The following BPIFB1 variants were observed in gnomAD, a reference collection of about 807,000 sequenced individuals.
BPIFB1 encodes BPI fold containing family B member 1.
A neutral mutation model predicts 55.1 loss-of-function variants in BPIFB1; 34 were observed. The observed-to-expected ratio is 0.62, with a 90% CI of 0.47 to 0.82. The LOEUF (loss-of-function observed/expected upper bound fraction) is 0.82, where lower values mean the gene tolerates loss of function less well. BPIFB1 is among the 40% of genes least tolerant of loss of function. The pLI is 0.00. For missense variants in BPIFB1, 532 were observed against 593.1 expected (o/e 0.90, Z 1.07); for synonymous variants, 236 against 245.3 (o/e 0.96, Z 0.35).
intron 15 of BPIFB1, chr20:33,308,091 C>T (rs1321293184): frequency 1.3e-5 from 2 of 152,196 alleles, no homozygotes; most frequent in Non-Finnish European, 2.9e-5. Context: ...AAGGGGAAGA[C>T]TGCACATCAC....
chr20:33,304,972 TTGC>T lies in BPIFB1; in HGVS notation c.1254+83_1254+85del. On this transcript the variant is annotated intron_variant, in intron 13 of 15. Transcript: ENST00000253354. ...TCTCAAAACAGATATTGCCCAGGAT[TTGC>T]TTCAAACAAGGTCCCCACAGAAGCA... 3.3e-6 allele frequency: 5 copies of T among 1,531,866 alleles called. No homozygotes were observed. The South Asian group carries it at 5.6e-5, about 17-fold the overall frequency. 94.9% of individuals were successfully genotyped at this position (1,531,866 alleles called of 1,614,324 possible). A position where few individuals can be genotyped will look rare whatever the true frequency, so the allele number is the denominator to read the frequency against.
rs1981145898 is a variant in BPIFB1 at position 33,309,001 on chromosome 20, T to C, written c.1396-707T>C. ...CACACACACACACCATGTGGCCAGA[T>C]GGTCTCAGCTCAAGGCCAGGATCAT... On this transcript the variant is annotated intron_variant, in intron 15 of 15. Coordinates refer to ENST00000253354, the MANE Select transcript of BPIFB1 (RefSeq NM_033197.3). This position sits in a 1 kb window ranked among gnomAD's most constrained non-coding sequence, Gnocchi z 4.4. 6.6e-6 allele frequency among the ~76,000 whole-genome samples: 1 copy of C among 151,874 alleles called. No individual in the cohort carries two copies. The highest frequency in any genetic ancestry group is 1.5e-5 in the Non-Finnish European group (1 of 67,986).
rs1408182058 is a variant in BPIFB1, at chr20:33,309,435, A to C, written c.1396-273A>C. Among the ~76,000 whole-genome samples the C allele has an allele frequency of 6.6e-6, 1 of 152,166 alleles. No individual in the cohort carries two copies. Among genetic ancestry groups the C allele is most frequent in the Non-Finnish European group, 1.5e-5 (1 of 68,028 alleles). On this transcript the variant is annotated intron_variant, in intron 15 of 15. Coordinates refer to ENST00000253354, the MANE Select transcript of BPIFB1 (RefSeq NM_033197.3). The surrounding 1 kb of genome is among the most constrained non-coding windows in gnomAD (Gnocchi z 4.4). ...GCTAAGTGCAAATCCCACTTCTGCC[A>C]CCTACTGAGTGCGTGACTTTGGAAA...
chr20:33,287,345 G>A (rs527874212), intron 2 of BPIFB1, among the ~76,000 whole-genome samples: 6 of 152,194 alleles, frequency 3.9e-5, no homozygotes, highest in South Asian at 2.1e-4. Flanking sequence ...CCACTGTGGC[G>A]ACTGAAGCTC....
chr20:33,296,964 C>A (rs1980672918), intron 6 of BPIFB1, among the ~76,000 whole-genome samples: 1 of 152,224 alleles, frequency 6.6e-6, no homozygotes, highest in Non-Finnish European at 1.5e-5. Context: ...TGCTCTGTCA[C>A]CCAGGCTGGA....
At chr20:33,299,361 G>A (rs2146532568) in intron 7 of BPIFB1, 2 of 354,320 alleles carry the variant, frequency 5.6e-6, no homozygotes, top group East Asian at 7.5e-5. Context: ...GGGAGCAGAG[G>A]AGCCAGTTTG....
At chr20:33,298,263 T>C (rs114966473) in intron 7 of BPIFB1, among the ~76,000 whole-genome samples, 2,202 of 152,208 alleles carry the variant, frequency 0.014, 71 homozygotes, top group African/African-American at 0.051. Context: ...AGATATCTGG[T>C]TTAAAAAATA....
At position 33,286,013 on chromosome 20, in the gene BPIFB1, T is replaced by A. The variant is rs955786172; in HGVS notation, c.-41-20T>A. On this transcript the variant is annotated intron_variant, in intron 1 of 15. Transcript: ENST00000253354. ...CTGCCCTTGGCCCCTCTGCCTCAGG[T>A]CCCTCTGTGCTCACCCCAGGTCTGG... 3.3e-6 allele frequency: 5 copies of A among 1,529,698 alleles called. No homozygotes were observed. In the African/African-American group the frequency reaches 6.8e-5, roughly 21 times the overall value. 94.8% of individuals were successfully genotyped at this position (1,529,698 alleles called of 1,614,324 possible).
chr20:33,289,781 G>T (rs768159291), intron 3 of BPIFB1, 104 bp from the exon 4 acceptor site: 1 of 1,064,762 alleles, frequency 9.4e-7, no homozygotes. Context: ...CCAGGGTCCC[G>T]CTGCTGCCTA....
chr20:33,297,495 T>C (rs1287244508), intron 6 of BPIFB1, 30 bp from the exon 7 acceptor site: 2 of 1,613,494 alleles, frequency 1.2e-6, no homozygotes, highest in African/African-American at 1.3e-5. Context: ...GGCCCCTCCC[T>C]GATGGAGCCC....
At chr20:33,297,359 A>G (rs1288323276) in intron 6 of BPIFB1, among the ~76,000 whole-genome samples, 166 bp from the exon 7 acceptor site, 4 of 152,260 alleles carry the variant, frequency 2.6e-5, no homozygotes, top group African/African-American at 9.6e-5. Context: ...GTGGCCCTGC[A>G]GGCTGGGTTC....
intron 12 of BPIFB1, 43 bp downstream of exon 12, chr20:33,304,068 A>G: frequency 1.3e-6 from 2 of 1,558,156 alleles, no homozygotes; most frequent in Non-Finnish European, 1.8e-6. Flanking sequence ...GATGGAAATG[A>G]GTCCCGCCTG....
At position 33,306,017 on chromosome 20, in the gene BPIFB1, A is replaced by T; in HGVS notation, c.1270A>T (p.Asn424Tyr). Residue 424 changes from asparagine (N) to tyrosine (Y), a missense_variant, in exon 14 of 16, where the codon AAC becomes TAC. Physicochemically the swap from Asn to Tyr is moderately radical, Grantham distance 143. Coordinates refer to ENST00000253354, the MANE Select transcript of BPIFB1 (RefSeq NM_033197.3). Reference protein sequence around the residue: ...IGWFQPDVLKNIITEIIHSIL... With the variant: ...IGWFQPDVLKYIITEIIHSIL... ...TCTCTCACAGCCTGATGTTCTGAAAAACATCATCACTGAGATCATCCACTC... is the reference window on the plus strand; with the variant it reads ...TCTCTCACAGCCTGATGTTCTGAAATACATCATCACTGAGATCATCCACTC... The T allele has an allele frequency of 5.6e-6, 9 of 1,613,942 alleles. No homozygotes were observed. The highest frequency in any genetic ancestry group is 1.3e-5 in the African/African-American group (1 of 74,956).
rs747297380 is a variant in BPIFB1, at chr20:33,297,502, G to T, written c.598-23G>T. 8 of 1,613,886 alleles carry T rather than the reference G, an allele frequency of 5.0e-6. No homozygotes were observed. The African/African-American group carries it at 5.3e-5, about 11-fold the overall frequency. On this transcript the variant is annotated intron_variant, in intron 6 of 15. Transcript: ENST00000253354. ...TGCATTCTGGCCCCTCCCTGATGGA[G>T]CCCCTTGCTTATGCTGTTGCAGCTG...
At chr20:33,290,136 T>G in intron 4 of BPIFB1, 144 bp downstream of exon 4, 1 of 666,406 alleles carries the variant, frequency 1.5e-6, no homozygotes, top group East Asian at 2.7e-5. Flanking sequence ...GGCAGCAGTG[T>G]ACTTGCCTTG....
At position 33,302,490 on chromosome 20, in the gene BPIFB1, T is replaced by C. The variant is rs114719938; in HGVS notation, c.981+78T>C. 664 of 1,473,558 alleles carry C rather than the reference T, an allele frequency of 4.5e-4. 4 individuals are homozygous for C. In the African/African-American group the frequency reaches 8.0e-3, roughly 18 times the overall value. The allele number at this position is 1,473,558 out of a possible 1,614,324, so 91.3% of individuals were successfully genotyped here. On this transcript the variant is annotated intron_variant, in intron 10 of 15. Transcript: ENST00000253354. The stretch of plus-strand genomic sequence containing the variant: ...CAGGCCTCTGGGGAGGAGAATCTAG[T>C]GGGACTAGTGTTTCATTCCAGCACT...
chr20:33,308,599 T>G (rs1284204575), intron 15 of BPIFB1, among the ~76,000 whole-genome samples: 25 of 92,110 alleles, frequency 2.7e-4, no homozygotes, highest in African/African-American at 1.2e-3. Flanking sequence ...CACATACACC[T>G]TTATACACAT....
At chr20:33,301,650 A>G (rs1193354459) in intron 9 of BPIFB1, among the ~76,000 whole-genome samples, 1 of 152,202 alleles carries the variant, frequency 6.6e-6, no homozygotes, top group Non-Finnish European at 1.5e-5. Context: ...TCCTCTACCA[A>G]ATAACAGTCT....
chr20:33,308,451 T>TAC (rs77066397), intron 15 of BPIFB1, among the ~76,000 whole-genome samples: 1 of 150,350 alleles, frequency 6.7e-6, no homozygotes, highest in Non-Finnish European at 1.5e-5. Flanking sequence ...CACACACATA[T>TAC]ACACACACAC....
Sources: allele counts gnomAD v4.1 joint callset (sites outside exome capture counted in the v4.1 genomes callset), GRCh38; gene constraint gnomAD v4.1.1; non-coding constraint Gnocchi (gnomAD v3.1); transcripts MANE v1.5; gene names NCBI Gene and HGNC (gene_info 2026-07-23, HGNC 2026-07-21).